Variants in ADK observed in about 807,000 individuals in gnomAD.
ADK encodes the protein adenosine kinase, also known as N6,N6-dimethyladenosine kinase.
In ADK, 24 loss-of-function variants were observed where a neutral mutation model predicts 44.7. The observed-to-expected ratio is 0.54, with a 90% CI of 0.39 to 0.76. ADK has a LOEUF of 0.76. Among genes scored for constraint, ADK ranks in the 30% least tolerant of loss-of-function variants. The pLI, the probability that ADK is intolerant of heterozygous loss-of-function variation, is 0.00. For missense variants in ADK, 321 were observed against 425.1 expected, an observed-to-expected ratio of 0.76 and a Z score of 2.15; for synonymous variants, 128 against 142.6, an observed-to-expected ratio of 0.90 and a Z score of 0.73.
At chr10:74,554,203 C>T (rs190343595) in intron 7 of ADK, among the ~76,000 whole-genome samples, 39 of 152,174 alleles carry the variant, frequency 2.6e-4, no homozygotes, top group Non-Finnish European at 4.4e-5. Flanking sequence ...CTTTTTCCCT[C>T]CTGTCCTTTT....
At chr10:74,453,480 T>C (rs1262279964) in intron 6 of ADK, among the ~76,000 whole-genome samples, 3 of 152,146 alleles carry the variant, frequency 2.0e-5, no homozygotes, top group African/African-American at 7.2e-5. Flanking sequence ...ATTAGTATAA[T>C]GCAGTTCATT....
intron 4 of ADK, among the ~76,000 whole-genome samples, chr10:74,368,119 T>C (rs1842549878): frequency 6.6e-6 from 1 of 152,178 alleles, no homozygotes; most frequent in Admixed American, 6.5e-5. Context: ...TAACCCTGTC[T>C]TTTTCCCAGG....
intron 7 of ADK, among the ~76,000 whole-genome samples, chr10:74,566,670 G>T (rs1850679194): frequency 6.6e-6 from 1 of 152,068 alleles, no homozygotes; most frequent in African/African-American, 2.4e-5. Flanking sequence ...TATTAAATGT[G>T]GATTTTAATA....
intron 3 of ADK, among the ~76,000 whole-genome samples, chr10:74,265,219 ATT>A (rs778762194): frequency 3.5e-5 from 5 of 144,550 alleles, no homozygotes; most frequent in East Asian, 4.0e-4. Flanking sequence ...AAATACTACA[ATT>A]TTTTTTTTTT....
At chr10:74,658,550 G>A (rs1854577197) in intron 9 of ADK, among the ~76,000 whole-genome samples, 1 of 152,032 alleles carries the variant, frequency 6.6e-6, no homozygotes, top group South Asian at 2.1e-4. Context: ...ACCCACCTTA[G>A]TTAGCCTCCC....
At chr10:74,599,230 G>T (rs1042836260) in intron 8 of ADK, among the ~76,000 whole-genome samples, 4 of 152,148 alleles carry the variant, frequency 2.6e-5, no homozygotes, top group Non-Finnish European at 5.9e-5. Context: ...AAGTCATCCT[G>T]TTAGGTATAT....
intron 4 of ADK, among the ~76,000 whole-genome samples, chr10:74,336,064 A>G (rs1841399854): frequency 6.6e-6 from 1 of 152,176 alleles, no homozygotes; most frequent in Non-Finnish European, 1.5e-5. Flanking sequence ...TTTGTGTCAT[A>G]TAAGAACTCT....
intron 6 of ADK, chr10:74,516,942 A>T (rs911880573): frequency 6.0e-6 from 1 of 165,322 alleles, no homozygotes; most frequent in Non-Finnish European, 1.3e-5. Context: ...ACAGGTCCAC[A>T]TGGCTTGGGA....
chr10:74,288,070 T>G (rs1016638953), intron 3 of ADK, among the ~76,000 whole-genome samples: 2 of 152,030 alleles, frequency 1.3e-5, no homozygotes, highest in African/African-American at 2.4e-5. Flanking sequence ...TGTCTTTATA[T>G]ACAGAAACCC....
chr10:74,563,331 TACTC>T (rs757210013), intron 7 of ADK, among the ~76,000 whole-genome samples: 1 of 152,230 alleles, frequency 6.6e-6, no homozygotes, highest in Non-Finnish European at 1.5e-5. Context: ...TGTTCAGTGT[TACTC>T]ACCCATCTTA....
At chr10:74,498,748 T>C (rs1847784589) in intron 6 of ADK, among the ~76,000 whole-genome samples, 1 of 152,146 alleles carries the variant, frequency 6.6e-6, no homozygotes, top group Non-Finnish European at 1.5e-5. Context: ...ATTGTTCAAT[T>C]CCCACCTATG....
intron 10 of ADK, among the ~76,000 whole-genome samples, chr10:74,705,659 G>A (rs1485289377): frequency 6.6e-6 from 1 of 152,192 alleles, no homozygotes; most frequent in Non-Finnish European, 1.5e-5. Context: ...TAAATACCTA[G>A]AAATAGAACG....
intron 8 of ADK, among the ~76,000 whole-genome samples, chr10:74,598,535 T>C (rs1288432595): frequency 6.9e-6 from 1 of 145,536 alleles, no homozygotes; most frequent in Admixed American, 7.0e-5. Flanking sequence ...CTGCAACCTC[T>C]GCCTCCTGGG....
chr10:74,452,228 CT>C (rs1269339802), intron 6 of ADK, among the ~76,000 whole-genome samples: 2 of 151,850 alleles, frequency 1.3e-5, no homozygotes, highest in African/African-American at 4.8e-5. Flanking sequence ...AGAATTTTAT[CT>C]AAACTCGGAT....
chr10:74,638,299 T>C (rs1853689396), intron 9 of ADK, among the ~76,000 whole-genome samples: 1 of 151,896 alleles, frequency 6.6e-6, no homozygotes, highest in Admixed American at 6.5e-5. Flanking sequence ...TTAGCTTGAT[T>C]TTTTTTATTG....
At chr10:74,433,825 TG>T (rs60706811) in intron 6 of ADK, among the ~76,000 whole-genome samples, 90,328 of 151,864 alleles carry the variant, frequency 0.59, 29,673 homozygotes, top group Middle Eastern at 0.77. Flanking sequence ...CGAAATACTT[TG>T]AGTACACAGG....
chr10:74,490,387 A>T (rs946863497), intron 6 of ADK, among the ~76,000 whole-genome samples: 1 of 152,130 alleles, frequency 6.6e-6, no homozygotes, highest in Non-Finnish European at 1.5e-5. Flanking sequence ...ATTGCCAAGG[A>T]TTTACCAACA....
At chr10:74,322,381 TAGTA>T (rs1840844542) in intron 4 of ADK, among the ~76,000 whole-genome samples, 3 of 152,218 alleles carry the variant, frequency 2.0e-5, no homozygotes, top group South Asian at 2.1e-4. Context: ...TTGAAGAAAG[TAGTA>T]AGTATTAATT....
At chr10:74,328,861 G>C (rs924134869) in intron 4 of ADK, among the ~76,000 whole-genome samples, 1 of 151,738 alleles carries the variant, frequency 6.6e-6, no homozygotes, top group African/African-American at 2.4e-5. Flanking sequence ...CTAATACACT[G>C]TTCTCAGATT....
Sources: allele counts gnomAD v4.1 joint callset (sites outside exome capture counted in the v4.1 genomes callset), GRCh38; gene constraint gnomAD v4.1.1; transcripts MANE v1.5; gene names NCBI Gene and HGNC (gene_info 2026-07-23, HGNC 2026-07-21).